The following PKHD1 variants were observed in gnomAD, a reference collection of about 807,000 sequenced individuals.
The protein encoded by PKHD1 is fibrocystin.
PKHD1 carries 291 observed loss-of-function variants against 412.0 expected under a neutral mutation model. The observed-to-expected ratio is 0.71, with a 90% CI of 0.64 to 0.78. The LOEUF (loss-of-function observed/expected upper bound fraction) is 0.78, where lower values mean the gene tolerates loss of function less well. PKHD1 is among the 30% of genes least tolerant of loss of function. The pLI, the probability that PKHD1 is intolerant of heterozygous loss-of-function variation, is 0.00. For missense variants in PKHD1, 4,825 were observed against 4,950.7 expected (o/e 0.97, Z 0.76); for synonymous variants, 1,777 against 1,821.5 (o/e 0.98, Z 0.62).
chr6:51,873,642 A>G (rs1202553368), intron 46 of PKHD1, among the ~76,000 whole-genome samples: 1 of 152,228 alleles, frequency 6.6e-6, no homozygotes, highest in Non-Finnish European at 1.5e-5. Context: ...AGAGAAAGGT[A>G]ACATAGAAGA....
intron 52 of PKHD1, among the ~76,000 whole-genome samples, chr6:51,809,819 T>C (rs1034082944): frequency 6.6e-6 from 1 of 152,052 alleles, no homozygotes. Flanking sequence ...GTTCCTTGCA[T>C]GCTAGTATTG....
In PKHD1 at chr6:52,072,161, T is replaced by C; in HGVS notation, c.556A>G (p.Lys186Glu). 1 of 1,610,314 alleles carries C rather than the reference T, an allele frequency of 6.2e-7. No homozygotes were observed. The highest frequency in any genetic ancestry group is 8.5e-7 in the Non-Finnish European group (1 of 1,176,568). The change falls in exon 8 of 67, where the codon AAA becomes GAA. Residue 186 changes from lysine to glutamate, a missense_variant. Coordinates refer to ENST00000371117, the MANE Select transcript of PKHD1 (RefSeq NM_138694.4). ...ATAAGAGAGCAAGGAGTAACCCATTTGTCTCCTTGAGCTTCCAAGATCACT... is the reference window on the plus strand; with the variant it reads ...ATAAGAGAGCAAGGAGTAACCCATTCGTCTCCTTGAGCTTCCAAGATCACT... The part of the protein sequence containing the change: ...SPVILEAQGD[K>E]WVTPCSLINR...
chr6:51,670,052 G>A (rs983108107), intron 60 of PKHD1, among the ~76,000 whole-genome samples: 4 of 147,796 alleles, frequency 2.7e-5, no homozygotes, highest in African/African-American at 7.4e-5. Context: ...TTCTGTAGAT[G>A]TCTACTAGGT....
intron 24 of PKHD1, among the ~76,000 whole-genome samples, chr6:52,045,313 G>A (rs1038069154): frequency 6.6e-6 from 1 of 152,214 alleles, no homozygotes; most frequent in Non-Finnish European, 1.5e-5. Context: ...ATTGCCAAAA[G>A]AGGTACAATA....
chr6:51,639,667 A>T (rs1769089303), intron 63 of PKHD1, among the ~76,000 whole-genome samples: 1 of 152,172 alleles, frequency 6.6e-6, no homozygotes, highest in Non-Finnish European at 1.5e-5. Context: ...AGGCAGCTTA[A>T]CTCAGTATCA....
chr6:51,631,201 T>G (rs1411834378), intron 65 of PKHD1, among the ~76,000 whole-genome samples: 5 of 152,042 alleles, frequency 3.3e-5, no homozygotes, highest in African/African-American at 1.2e-4. Context: ...AGATAAAAAT[T>G]TATGAAAATT....
intron 60 of PKHD1, among the ~76,000 whole-genome samples, chr6:51,677,630 C>T (rs1776056199): frequency 6.6e-6 from 1 of 152,076 alleles, no homozygotes; most frequent in Non-Finnish European, 1.5e-5. Flanking sequence ...CCAGCTATTG[C>T]ATGAAGCAAA....
chr6:51,899,239 T>C (rs1485851565), intron 43 of PKHD1, among the ~76,000 whole-genome samples: 3 of 151,978 alleles, frequency 2.0e-5, no homozygotes, highest in African/African-American at 7.3e-5. Context: ...ACCAATATCC[T>C]TGATGAACAT....
intron 12 of PKHD1, 105 bp from the exon 13 acceptor site, chr6:52,065,155 A>ATATATATATG (rs1554220594): frequency 9.4e-6 from 1 of 106,250 alleles, no homozygotes; most frequent in Non-Finnish European, 1.8e-5. Context: ...ATATATATAT[A>ATATATATATG]TATATATATA....
intron 23 of PKHD1, among the ~76,000 whole-genome samples, chr6:52,047,480 G>A (rs1476944165): frequency 6.6e-6 from 1 of 152,096 alleles, no homozygotes; most frequent in Non-Finnish European, 1.5e-5. Context: ...GATTCCCCAT[G>A]TTTCTACCAA....
At chr6:51,947,464 C>T (rs1789640989) in intron 36 of PKHD1, among the ~76,000 whole-genome samples, 1 of 152,212 alleles carries the variant, frequency 6.6e-6, no homozygotes, top group Non-Finnish European at 1.5e-5. Context: ...GTCTTTCCTT[C>T]ACCTGGTATC....
Position 51,959,878 on chromosome 6 carries a change from T to C in PKHD1, c.5900A>G (p.His1967Arg). The change falls in exon 36 of 67, where the codon CAC becomes CGC. Residue 1967 changes from histidine (H) to arginine (R), a missense_variant. Transcript: ENST00000371117. The part of the protein sequence containing the change: ...DTNTSILNLL[H>R]IKGGKLIFMA... ...CTACAAACTTCACACACCTTTAATGTGCAGTAAGTTGAGGATGCTTGTGTT... is the reference window on the plus strand; with the variant it reads ...CTACAAACTTCACACACCTTTAATGCGCAGTAAGTTGAGGATGCTTGTGTT... 2 of 1,613,122 alleles carry C rather than the reference T, an allele frequency of 1.2e-6. No individual in the cohort carries two copies. The highest frequency in any genetic ancestry group is 2.2e-5 in the South Asian group (2 of 91,058).
At chr6:52,009,351 C>G (rs1799509896) in intron 35 of PKHD1, among the ~76,000 whole-genome samples, 1 of 152,102 alleles carries the variant, frequency 6.6e-6, no homozygotes, top group Non-Finnish European at 1.5e-5. Flanking sequence ...ATTTTCAGCA[C>G]CAGTACAAAA....
In PKHD1 at chr6:51,617,079, G is replaced by GA. The variant is rs1166032336; in HGVS notation, c.*2001dup. 6.4e-5 allele frequency: 11 copies of GA among 170,736 alleles called. No homozygotes were observed. Among genetic ancestry groups the GA allele is most frequent in the Non-Finnish European group, 8.7e-5 (7 of 80,734 alleles). 10.6% of individuals were successfully genotyped at this position (170,736 alleles called of 1,614,324 possible). ...ATAGAGCTCAGGAAAAATACCTGTGGAAAAAAAACTTAAAAAGTGGTGAAA... is the reference window on the plus strand; with the variant it reads ...ATAGAGCTCAGGAAAAATACCTGTGGAAAAAAAAACTTAAAAAGTGGTGAAA... On this transcript the variant is annotated 3_prime_UTR_variant, in exon 67 of 67. Coordinates refer to ENST00000371117, the MANE Select transcript of PKHD1 (RefSeq NM_138694.4).
At chr6:51,691,077 G>C (rs946015482) in intron 60 of PKHD1, among the ~76,000 whole-genome samples, 4 of 152,172 alleles carry the variant, frequency 2.6e-5, no homozygotes, top group African/African-American at 9.7e-5. Flanking sequence ...CTGATCATTA[G>C]AGAAATGCAA....
chr6:51,807,483 A>G (rs79659458), intron 52 of PKHD1, among the ~76,000 whole-genome samples: 11,941 of 89,974 alleles, frequency 0.13, 1,111 homozygotes, highest in African/African-American at 0.28. Flanking sequence ...ATATATATGT[A>G]TATGTGTGTG....
chr6:52,077,984 A>G (rs1811556481), intron 5 of PKHD1, among the ~76,000 whole-genome samples: 4 of 152,052 alleles, frequency 2.6e-5, no homozygotes, highest in Admixed American at 2.6e-4. Flanking sequence ...TATTTCACAG[A>G]TGTTTAGAAC....
At chr6:52,077,489 A>G (rs1471820485) in intron 5 of PKHD1, among the ~76,000 whole-genome samples, 1 of 152,216 alleles carries the variant, frequency 6.6e-6, no homozygotes, top group Admixed American at 6.5e-5. Context: ...AAAACAAATT[A>G]CAGCAGCAAA....
intron 60 of PKHD1, chr6:51,722,073 G>C: frequency 6.2e-7 from 1 of 1,613,016 alleles, no homozygotes; most frequent in South Asian, 1.1e-5. Context: ...CCAAAAATAT[G>C]TCTCCACCCT....
Sources: allele counts gnomAD v4.1 joint callset (sites outside exome capture counted in the v4.1 genomes callset), GRCh38; gene constraint gnomAD v4.1.1; transcripts MANE v1.5; gene names NCBI Gene and HGNC (gene_info 2026-07-23, HGNC 2026-07-21).